The following FBXO40 variants were observed in gnomAD, a reference collection of about 807,000 sequenced individuals.
FBXO40 encodes the protein F-box only protein 40.
Under a neutral mutation model 49.9 loss-of-function variants are expected in FBXO40, and 50 were observed. The ratio of observed to expected loss-of-function variants is 1.00; its 90% CI spans 0.80 to 1.27. FBXO40 has a LOEUF of 1.27. FBXO40 is among the 50% of genes most tolerant of loss of function. The pLI, the probability that FBXO40 is intolerant of heterozygous loss-of-function variation, is 0.00. For synonymous variants in FBXO40, 340 were observed against 320.2 expected (o/e 1.06, Z -0.66); for missense variants, 895 against 870.1 (o/e 1.03, Z -0.36).
At chr3:121,604,422 C>A (rs1268433968) in intron 1 of FBXO40, among the ~76,000 whole-genome samples, 1 of 152,246 alleles carries the variant, frequency 6.6e-6, no homozygotes, top group East Asian at 1.9e-4. Flanking sequence ...ACATTCCATG[C>A]AAAACATGCA....
intron 2 of FBXO40, among the ~76,000 whole-genome samples, chr3:121,621,217 C>G (rs539703991): frequency 2.0e-5 from 3 of 152,256 alleles, no homozygotes; most frequent in African/African-American, 7.2e-5. Context: ...CTAAACACAT[C>G]TACTACATAT....
At chr3:121,614,034 C>T (rs1402200652) in intron 1 of FBXO40, among the ~76,000 whole-genome samples, 2 of 151,980 alleles carry the variant, frequency 1.3e-5, no homozygotes, top group African/African-American at 2.4e-5. Flanking sequence ...TTTGGGAGGC[C>T]GAGGTGGGCA....
At chr3:121,619,842 A>G (rs1407441560) in intron 1 of FBXO40, among the ~76,000 whole-genome samples, 2 of 152,170 alleles carry the variant, frequency 1.3e-5, no homozygotes, top group African/African-American at 2.4e-5. Context: ...ATCACAGCTC[A>G]CAAAAGTCCG....
At chr3:121,611,455 A>C (rs557361307) in intron 1 of FBXO40, among the ~76,000 whole-genome samples, 1 of 152,310 alleles carries the variant, frequency 6.6e-6, no homozygotes, top group East Asian at 1.9e-4. Context: ...GTTTCTCTCC[A>C]CCCAAACATC....
chr3:121,599,705 C>T (rs6438636), intron 1 of FBXO40, among the ~76,000 whole-genome samples: 24,550 of 58,208 alleles, frequency 0.42, 3,347 homozygotes, highest in South Asian at 0.47. Context: ...CACACACACA[C>T]ATATATATAT....
chr3:121,613,419 A>G, intron 1 of FBXO40, among the ~76,000 whole-genome samples: 1 of 152,204 alleles, frequency 6.6e-6, no homozygotes, highest in East Asian at 1.9e-4. Context: ...GAACCAAACA[A>G]GGGAAGTGGG....
chr3:121,598,658 G>GC (rs1263848889), intron 1 of FBXO40, among the ~76,000 whole-genome samples: 2 of 152,184 alleles, frequency 1.3e-5, no homozygotes, highest in African/African-American at 4.8e-5. Flanking sequence ...CAAGGATGAT[G>GC]CCTGGCATTG....
chr3:121,606,110 C>T (rs17691111), intron 1 of FBXO40, among the ~76,000 whole-genome samples: 26,535 of 152,202 alleles, frequency 0.17, 2,965 homozygotes, highest in Middle Eastern at 0.29. Flanking sequence ...AAGTAAAAGA[C>T]GACCAGGAGG....
intron 1 of FBXO40, among the ~76,000 whole-genome samples, chr3:121,613,276 T>C (rs6772153): frequency 6.6e-6 from 1 of 152,116 alleles, no homozygotes; most frequent in African/African-American, 2.4e-5. Flanking sequence ...TAATTCTTAG[T>C]GCCAATTTGG....
rs944072671 is a variant in FBXO40 at position 121,629,342 on chromosome 3, C to T, written c.*2432C>T. Reference sequence around the variant, plus strand: ...GGTTTTATTCTGTGAAGATGAGTAACTGGAAAGAAGCTAACACTGCAGTGG... The same window carrying T: ...GGTTTTATTCTGTGAAGATGAGTAATTGGAAAGAAGCTAACACTGCAGTGG... On this transcript the variant is annotated 3_prime_UTR_variant, in exon 4 of 4. Transcript: ENST00000338040. 4 of 152,070 alleles carry T rather than the reference C, an allele frequency of 2.6e-5. No homozygotes were observed. The highest frequency in any genetic ancestry group is 1.3e-4 in the Admixed American group (2 of 15,260). 9.4% of individuals were successfully genotyped at this position (152,070 alleles called of 1,614,324 possible).
rs1057358859 is a variant in FBXO40 at position 121,627,040 on chromosome 3, C to T, written c.*130C>T. ...TTGCTTATCGGGGTGTATTGGAACA[C>T]GCAATGTCCTTCGAAACCTCAACAC... On this transcript the variant is annotated 3_prime_UTR_variant, in exon 4 of 4. Coordinates refer to ENST00000338040, the MANE Select transcript of FBXO40 (RefSeq NM_016298.4). 23 of 780,644 alleles carry T rather than the reference C, an allele frequency of 2.9e-5. No individual in the cohort carries two copies. The highest frequency in any genetic ancestry group is 7.0e-5 in the Admixed American group (3 of 42,580). The allele number at this position is 780,644 out of a possible 1,614,324, so 48.4% of individuals were successfully genotyped here. A position where few individuals can be genotyped will look rare whatever the true frequency, so the allele number is the denominator to read the frequency against.
In FBXO40 at chr3:121,630,217, T is replaced by C. The variant is rs1225840470; in HGVS notation, c.*3307T>C. On this transcript the variant is annotated 3_prime_UTR_variant, in exon 4 of 4. Coordinates refer to ENST00000338040, the MANE Select transcript of FBXO40 (RefSeq NM_016298.4). Reference sequence around the variant, plus strand: ...GAAATGAAGAATGAGATTGAGTATATCTGTGGTGACTGACCTCTGTATACT... The same window carrying C: ...GAAATGAAGAATGAGATTGAGTATACCTGTGGTGACTGACCTCTGTATACT... The C allele has an allele frequency of 2.0e-5, 3 of 152,234 alleles. No individual in the cohort carries two copies. Among genetic ancestry groups the C allele is most frequent in the African/African-American group, 4.8e-5 (2 of 41,454 alleles). The allele number at this position is 152,234 out of a possible 1,614,324, so 9.4% of individuals were successfully genotyped here. A position where few individuals can be genotyped will look rare whatever the true frequency, so the allele number is the denominator to read the frequency against.
In FBXO40 at chr3:121,621,662, G is replaced by A. The variant is rs78367832; in HGVS notation, c.233G>A (p.Arg78His). 1,005 of 1,614,118 alleles carry A rather than the reference G, an allele frequency of 6.2e-4. 9 individuals are homozygous for A. The East Asian group carries it at 0.012, about 20-fold the overall frequency. ...SEYGCPLSMS[R>H]HKLAKHLQVC... ...TATGGCTGCCCTCTGTCCATGTCCC[G>A]CCACAAACTGGCCAAGCACCTGCAG... Residue 78 changes from arginine (R) to histidine (H), a missense_variant, in exon 3 of 4, where the codon CGC becomes CAC. Coordinates refer to ENST00000338040, the MANE Select transcript of FBXO40 (RefSeq NM_016298.4).
chr3:121,605,935 G>T lies in FBXO40; in HGVS notation c.-31+12433G>T, dbSNP rs543602099. On this transcript the variant is annotated intron_variant, in intron 1 of 3. Transcript: ENST00000338040. ...AATCCAGCAAGAGGACATCGGCATAGTCCTGTGCCCATTGTAAGAAAAGAT... is the reference window on the plus strand; with the variant it reads ...AATCCAGCAAGAGGACATCGGCATATTCCTGTGCCCATTGTAAGAAAAGAT... 4.6e-5 allele frequency among the ~76,000 whole-genome samples: 7 copies of T among 152,298 alleles called. No homozygotes were observed. In the East Asian group the frequency reaches 1.4e-3, roughly 29 times the overall value.
chr3:121,611,902 T>C (rs2048968024), intron 1 of FBXO40, among the ~76,000 whole-genome samples: 1 of 152,226 alleles, frequency 6.6e-6, no homozygotes, highest in African/African-American at 2.4e-5. Context: ...CAGCCCTAGA[T>C]CCCTTAAACC....
intron 1 of FBXO40, among the ~76,000 whole-genome samples, chr3:121,618,645 T>C (rs1278158125): frequency 6.6e-6 from 1 of 151,790 alleles, no homozygotes; most frequent in African/African-American, 2.4e-5. Flanking sequence ...ATCCACCCGC[T>C]TGGGCCTCCC....
At chr3:121,609,992 T>G (rs772997635) in intron 1 of FBXO40, among the ~76,000 whole-genome samples, 4 of 152,236 alleles carry the variant, frequency 2.6e-5, no homozygotes, top group Non-Finnish European at 5.9e-5. Flanking sequence ...GTGTGAAGTC[T>G]TGGGCTGGTG....
chr3:121,622,519 G>T lies in FBXO40; in HGVS notation c.1090G>T (p.Gly364Ter). The change falls in exon 3 of 4, where the codon GGA becomes TGA. Residue 364 changes from glycine (G) to a stop codon, truncating the protein, a stop_gained. Transcript: ENST00000338040. LOFTEE classifies it high-confidence loss of function. ...VSYCGKRARL[G>*]DAMLSCKPSE... ...CTACTGTGGAAAGCGAGCTCGACTT[G>T]GAGATGCCATGTTGAGTTGTAAGCC... 1 of 1,614,212 alleles carries T rather than the reference G, an allele frequency of 6.2e-7. No individual in the cohort carries two copies. Among genetic ancestry groups the T allele is most frequent in the Non-Finnish European group, 8.5e-7 (1 of 1,180,038 alleles).
At chr3:121,620,622 A>G (rs200120869) in intron 2 of FBXO40, 44 bp downstream of exon 2, 10 of 1,613,296 alleles carry the variant, frequency 6.2e-6, no homozygotes, top group Admixed American at 1.7e-5. Context: ...TGAGAGGTCC[A>G]GGTCTTCCTT....
Sources: allele counts gnomAD v4.1 joint callset (sites outside exome capture counted in the v4.1 genomes callset), GRCh38; gene constraint gnomAD v4.1.1; transcripts MANE v1.5; gene names NCBI Gene and HGNC (gene_info 2026-07-23, HGNC 2026-07-21).